NBEA: variants seen among roughly 807,000 people sequenced by gnomAD.
NBEA encodes neurobeachin, also known as lysosomal-trafficking regulator 2.
A neutral mutation model predicts 343.4 loss-of-function variants in NBEA; 44 were observed. The observed-to-expected ratio is 0.13, with a 90% CI of 0.10 to 0.16. NBEA has a LOEUF of 0.16. NBEA is among the 10% of genes least tolerant of loss of function. The pLI, the probability that NBEA is intolerant of heterozygous loss-of-function variation, is 1.00. For missense variants in NBEA, 2,555 were observed against 3,631.3 expected (o/e 0.70, Z 7.62); for synonymous variants, 1,175 against 1,238.7 (o/e 0.95, Z 1.08).
intron 55 of NBEA, among the ~76,000 whole-genome samples, chr13:35,660,907 A>T (rs1187003133): frequency 1.3e-5 from 2 of 152,160 alleles, no homozygotes; most frequent in African/African-American, 4.8e-5. Flanking sequence ...GTAGCTCCAT[A>T]TGCAATAGTT....
intron 34 of NBEA, among the ~76,000 whole-genome samples, chr13:35,262,368 A>G (rs1402603666): frequency 1.3e-5 from 2 of 152,208 alleles, no homozygotes; most frequent in Non-Finnish European, 2.9e-5. Context: ...TCACACAAAA[A>G]CCTATAAATC....
intron 10 of NBEA, among the ~76,000 whole-genome samples, chr13:35,097,644 T>A (rs1286314825): frequency 6.6e-6 from 1 of 152,016 alleles, no homozygotes. Context: ...ACAAATCAAG[T>A]GCTTAACTTT....
intron 43 of NBEA, among the ~76,000 whole-genome samples, chr13:35,552,976 G>A (rs1359127868): frequency 6.6e-6 from 1 of 151,706 alleles, no homozygotes; most frequent in Non-Finnish European, 1.5e-5. Context: ...CCGCAGCCTT[G>A]ATGTCCCCAG....
intron 10 of NBEA, among the ~76,000 whole-genome samples, chr13:35,089,443 C>T (rs1252416214): frequency 1.7e-3 from 178 of 107,414 alleles, no homozygotes; most frequent in South Asian, 2.6e-3. Context: ...GAAATAGGAA[C>T]ACTTTTACAC....
At chr13:35,581,510 T>C (rs1003786001) in intron 45 of NBEA, among the ~76,000 whole-genome samples, 1 of 151,978 alleles carries the variant, frequency 6.6e-6, no homozygotes, top group Non-Finnish European at 1.5e-5. Context: ...TCATTGTAGA[T>C]TCTGGATATT....
intron 57 of NBEA, among the ~76,000 whole-genome samples, chr13:35,667,954 G>A (rs997513851): frequency 6.6e-6 from 1 of 152,132 alleles, no homozygotes; most frequent in African/African-American, 2.4e-5. Context: ...CTTCATTCAT[G>A]AATAAATTAT....
Position 35,476,376 on chromosome 13 carries a change from G to C in NBEA, c.6585+3840G>C. On this transcript the variant is annotated intron_variant, in intron 41 of 58. Coordinates refer to ENST00000379939, the MANE Select transcript of NBEA (RefSeq NM_001385012.1). ...CTGCTTTTCCCTTCCTTTTATCTTT[G>C]AGCCCAGCCGTTCTTAAAGTGAAAG... The C allele has an allele frequency of 5.2e-6, 6 of 1,149,512 alleles. 1 individual carries two copies. Among genetic ancestry groups the C allele is most frequent in the Non-Finnish European group, 6.3e-6 (5 of 788,976 alleles). The allele number at this position is 1,149,512 out of a possible 1,614,324, so 71.2% of individuals were successfully genotyped here.
rs537995509 is a variant in NBEA at position 35,629,816 on chromosome 13, A to G, written c.7617+1568A>G. Among the ~76,000 whole-genome samples the G allele has an allele frequency of 4.5e-4, 69 of 152,320 alleles. 1 individual carries two copies. Among genetic ancestry groups the G allele is most frequent in the Non-Finnish European group, 9.4e-4 (64 of 68,020 alleles). On this transcript the variant is annotated intron_variant, in intron 49 of 58. Transcript: ENST00000379939. ...ATGCCTGTTTTATTAAATACTTTATAAACTATTCTTTTAAGGCTAATACCT... is the reference window on the plus strand; with the variant it reads ...ATGCCTGTTTTATTAAATACTTTATGAACTATTCTTTTAAGGCTAATACCT...
chr13:35,216,476 C>A (rs1359157989), intron 33 of NBEA, among the ~76,000 whole-genome samples: 1 of 151,884 alleles, frequency 6.6e-6, no homozygotes, highest in Admixed American at 6.6e-5. Context: ...TTTCCCAGCC[C>A]CTCTCTTGGA....
At chr13:35,385,064 C>A (rs2042180732) in intron 38 of NBEA, among the ~76,000 whole-genome samples, 1 of 152,160 alleles carries the variant, frequency 6.6e-6, no homozygotes, top group Non-Finnish European at 1.5e-5. Flanking sequence ...TATAGTATTA[C>A]ATTTTTTCCT....
intron 18 of NBEA, among the ~76,000 whole-genome samples, chr13:35,149,848 A>C (rs1190198265): frequency 6.6e-6 from 1 of 152,190 alleles, no homozygotes; most frequent in Non-Finnish European, 1.5e-5. Flanking sequence ...ACCTTTAAAT[A>C]AGAAAATTTC....
intron 36 of NBEA, among the ~76,000 whole-genome samples, chr13:35,345,765 G>T (rs561150565): frequency 1.3e-5 from 2 of 152,092 alleles, no homozygotes; most frequent in East Asian, 3.9e-4. Context: ...AGCAGAAGAG[G>T]AAAGAGAGCA....
intron 1 of NBEA, among the ~76,000 whole-genome samples, chr13:34,948,638 G>A (rs977908275): frequency 7.2e-5 from 11 of 152,156 alleles, no homozygotes; most frequent in African/African-American, 2.7e-4. Context: ...ATGACACATT[G>A]TAGGAAACAG....
chr13:35,308,452 A>ATATATATATATATATATATG (rs2037064753), intron 35 of NBEA, among the ~76,000 whole-genome samples: 1 of 117,734 alleles, frequency 8.5e-6, no homozygotes, highest in Non-Finnish European at 1.6e-5. Flanking sequence ...ATATATATAT[A>ATATATATATATATATATATG]TATATATATA....
chr13:35,502,774 G>C (rs761284880), intron 41 of NBEA, among the ~76,000 whole-genome samples: 4 of 152,002 alleles, frequency 2.6e-5, no homozygotes, highest in Non-Finnish European at 4.4e-5. Flanking sequence ...GCTTATGTCT[G>C]ATACAGTACG....
At chr13:35,156,318 T>C in intron 20 of NBEA, 112 bp downstream of exon 20, 2 of 1,060,726 alleles carry the variant, frequency 1.9e-6, no homozygotes, top group Non-Finnish European at 2.6e-6. Flanking sequence ...CTTTTAATCA[T>C]CAGAAAAGGC....
At chr13:35,249,207 G>C (rs2031647877) in intron 34 of NBEA, among the ~76,000 whole-genome samples, 1 of 148,446 alleles carries the variant, frequency 6.7e-6, no homozygotes, top group East Asian at 2.0e-4. Flanking sequence ...ATTTGGATTT[G>C]GCAATGATTT....
At chr13:35,035,175 C>T (rs1566190931) in intron 1 of NBEA, among the ~76,000 whole-genome samples, 1 of 151,650 alleles carries the variant, frequency 6.6e-6, no homozygotes, top group Non-Finnish European at 1.5e-5. Context: ...CCTCTTAGTA[C>T]TGCTTTTGTT....
intron 41 of NBEA, among the ~76,000 whole-genome samples, chr13:35,511,012 C>T (rs1201586792): frequency 2.6e-5 from 4 of 152,002 alleles, no homozygotes; most frequent in Non-Finnish European, 5.9e-5. Flanking sequence ...AAGTAGAAAA[C>T]ATGAAAATAA....
Sources: gnomAD v4.1 joint callset for allele counts (sites outside exome capture counted in the v4.1 genomes callset) on GRCh38, gnomAD v4.1.1 for gene constraint, MANE v1.5 for transcripts, NCBI Gene and HGNC (gene_info 2026-07-23, HGNC 2026-07-21) for gene names.